Variants in PKHD1 observed in about 807,000 individuals in gnomAD.
PKHD1 encodes the protein fibrocystin.
A neutral mutation model predicts 412.0 loss-of-function variants in PKHD1; 291 were observed. The observed-to-expected ratio is 0.71, with a 90% CI of 0.64 to 0.78. PKHD1 has a LOEUF of 0.78. PKHD1 is among the 30% of genes least tolerant of loss of function. The pLI, the probability that PKHD1 is intolerant of heterozygous loss-of-function variation, is 0.00. For missense variants in PKHD1, 4,825 were observed against 4,950.7 expected (o/e 0.97, Z 0.76); for synonymous variants, 1,777 against 1,821.5 (o/e 0.98, Z 0.62).
intron 35 of PKHD1, among the ~76,000 whole-genome samples, chr6:52,004,026 A>T (rs1798757398): frequency 6.6e-6 from 1 of 152,162 alleles, no homozygotes; most frequent in Non-Finnish European, 1.5e-5. Flanking sequence ...AGATCGGTGA[A>T]TTTGTAGTTT....
At chr6:51,785,970 C>T (rs1175507344) in intron 53 of PKHD1, among the ~76,000 whole-genome samples, 1 of 152,172 alleles carries the variant, frequency 6.6e-6, no homozygotes, top group South Asian at 2.1e-4. Context: ...GGGTACTTAA[C>T]AAACCAATGT....
intron 41 of PKHD1, 129 bp downstream of exon 41, chr6:51,906,086 T>C: frequency 1.3e-6 from 1 of 772,490 alleles, no homozygotes; most frequent in Non-Finnish European, 2.2e-6. Flanking sequence ...TGTTTTACTG[T>C]AGCCCATTTC....
chr6:51,674,225 A>G (rs899250018), intron 60 of PKHD1, among the ~76,000 whole-genome samples: 1 of 152,206 alleles, frequency 6.6e-6, no homozygotes, highest in Non-Finnish European at 1.5e-5. Flanking sequence ...CATTTCAGCT[A>G]TCACATAATG....
intron 64 of PKHD1, among the ~76,000 whole-genome samples, chr6:51,636,591 C>A (rs987904307): frequency 1.3e-5 from 2 of 151,990 alleles, no homozygotes; most frequent in East Asian, 1.9e-4. Context: ...CACACACACA[C>A]AAAACAACAA....
At position 51,772,707 on chromosome 6, in the gene PKHD1, A is replaced by C; in HGVS notation, c.8637T>G (p.Asn2879Lys). ...THLGADIASG[N>K]ERIIVEDAVD... ...AAGTTACTCTCATTCCTTACCTCTCATTTCCTGAGGCAATATCAGCTCCAA... is the reference window on the plus strand; with the variant it reads ...AAGTTACTCTCATTCCTTACCTCTCCTTTCCTGAGGCAATATCAGCTCCAA... Residue 2879 changes from asparagine to lysine, a missense_variant, in exon 55 of 67, where the codon AAT (asparagine) becomes AAG (lysine). Transcript: ENST00000371117. 2 of 1,552,592 alleles carry C rather than the reference A, an allele frequency of 1.3e-6. No individual in the cohort carries two copies. Among genetic ancestry groups the C allele is most frequent in the East Asian group, 2.3e-5 (1 of 44,392 alleles).
Position 51,922,604 on chromosome 6 carries a change from G to A in PKHD1, c.6122-10028C>T, listed in dbSNP as rs977211875. 4.6e-5 allele frequency among the ~76,000 whole-genome samples: 7 copies of A among 152,176 alleles called. No individual in the cohort carries two copies. The South Asian group carries it at 6.2e-4, about 14-fold the overall frequency. On this transcript the variant is annotated intron_variant, in intron 37 of 66. Transcript: ENST00000371117. ...AGCTGCGGTGGGCTCCACTCAGTTC[G>A]AGTTTCCTGGCCACTTTGTTTACCT...
In PKHD1 at chr6:51,911,972, G is replaced by C; in HGVS notation, c.6333-16C>G. ...GTGAGAATATCTGGAGAAAAAAAGA[G>C]GATGATAGAACTGAGGACATCACTC... On this transcript the variant is annotated splice_polypyrimidine_tract_variant and intron_variant, in intron 38 of 66. Coordinates refer to ENST00000371117, the MANE Select transcript of PKHD1 (RefSeq NM_138694.4). 1 of 1,600,022 alleles carries C rather than the reference G, an allele frequency of 6.2e-7. No individual in the cohort carries two copies. The highest frequency in any genetic ancestry group is 8.5e-7 in the Non-Finnish European group (1 of 1,170,348).
intron 46 of PKHD1, among the ~76,000 whole-genome samples, chr6:51,874,730 C>T (rs7453694): frequency 0.38 from 55,493 of 144,434 alleles, 12,030 homozygotes; most frequent in East Asian, 0.85. Context: ...AGATTGAGAC[C>T]ATCCTGGCTA....
Position 51,909,346 on chromosome 6 carries a change from G to A in PKHD1, c.6619C>T (p.Gln2207Ter), listed in dbSNP as rs780617187. Residue 2207 changes from glutamine (Q) to a stop codon, truncating the protein, a stop_gained, in exon 40 of 67, where the codon CAA becomes TAA. Coordinates refer to ENST00000371117, the MANE Select transcript of PKHD1 (RefSeq NM_138694.4). LOFTEE classifies it high-confidence loss of function. ...TTATGGAAGGCTTGCCCCAAGACTT[G>A]AAACTGCACTCCCTTCAACTGGACC... ...SQVQLKGVQF[Q>*]VLGQAFHKHL... 5 of 1,613,552 alleles carry A rather than the reference G, an allele frequency of 3.1e-6. No individual in the cohort carries two copies. Among genetic ancestry groups the A allele is most frequent in the Non-Finnish European group, 4.2e-6 (5 of 1,179,666 alleles).
At chr6:52,052,026 C>T (rs1806936058) in intron 21 of PKHD1, among the ~76,000 whole-genome samples, 1 of 152,162 alleles carries the variant, frequency 6.6e-6, no homozygotes, top group African/African-American at 2.4e-5. Flanking sequence ...AATTTCAAGG[C>T]TGATAAAGAG....
intron 37 of PKHD1, among the ~76,000 whole-genome samples, chr6:51,929,208 A>G (rs990006750): frequency 6.6e-6 from 1 of 152,314 alleles, no homozygotes; most frequent in Non-Finnish European, 1.5e-5. Flanking sequence ...TTCACCCTAC[A>G]TCAAAGAACA....
intron 52 of PKHD1, among the ~76,000 whole-genome samples, chr6:51,812,636 C>G (rs567915387): frequency 6.6e-6 from 1 of 152,110 alleles, no homozygotes; most frequent in African/African-American, 2.4e-5. Flanking sequence ...AGTATTTTAC[C>G]GCAAAATATA....
At chr6:51,791,492 T>C in intron 52 of PKHD1, 119 bp from the exon 53 acceptor site, 2 of 856,406 alleles carry the variant, frequency 2.3e-6, no homozygotes, top group Non-Finnish European at 3.8e-6. Context: ...AGGACAGGTA[T>C]AGCAACTGGA....
At chr6:51,807,923 A>T (rs1489549856) in intron 52 of PKHD1, among the ~76,000 whole-genome samples, 1 of 152,034 alleles carries the variant, frequency 6.6e-6, no homozygotes, top group Non-Finnish European at 1.5e-5. Context: ...GAGATTGCGG[A>T]CTAGGGAGTT....
At chr6:51,963,111 G>A (rs912390468) in intron 35 of PKHD1, among the ~76,000 whole-genome samples, 3 of 151,996 alleles carry the variant, frequency 2.0e-5, no homozygotes, top group Admixed American at 6.6e-5. Context: ...TGAAGATACA[G>A]GTGCTAAGAC....
intron 16 of PKHD1, among the ~76,000 whole-genome samples, chr6:52,058,002 T>A (rs1396680783): frequency 6.6e-6 from 1 of 152,204 alleles, no homozygotes; most frequent in African/African-American, 2.4e-5. Context: ...ATTTAATGTG[T>A]ATATGCTCAC....
intron 65 of PKHD1, among the ~76,000 whole-genome samples, chr6:51,630,052 G>A (rs903581396): frequency 2.6e-5 from 4 of 152,030 alleles, no homozygotes; most frequent in Middle Eastern, 3.2e-3. Context: ...AGATCTTCAC[G>A]ACTCCGTGAA....
At chr6:51,838,089 G>A (rs1769551336) in intron 50 of PKHD1, among the ~76,000 whole-genome samples, 2 of 152,104 alleles carry the variant, frequency 1.3e-5, no homozygotes, top group African/African-American at 2.4e-5. Flanking sequence ...ATCCACTTCT[G>A]TTCACGTTGA....
In PKHD1 at chr6:52,078,784, T is replaced by G. The variant is rs147043582; in HGVS notation, c.390+1116A>C. 1.4e-4 allele frequency among the ~76,000 whole-genome samples: 22 copies of G among 152,334 alleles called. 1 individual carries two copies. In the East Asian group the frequency reaches 4.2e-3, roughly 29 times the overall value. On this transcript the variant is annotated intron_variant, in intron 5 of 66. Transcript: ENST00000371117. ...GATTAATGCTTGGACTTCTCTCTTC[T>G]GTTATGTTCCCTGAGACAGGATAGA...
Sources: allele counts gnomAD v4.1 joint callset (sites outside exome capture counted in the v4.1 genomes callset), GRCh38; gene constraint gnomAD v4.1.1; transcripts MANE v1.5; gene names NCBI Gene and HGNC (gene_info 2026-07-23, HGNC 2026-07-21).